RPGR: variants seen among roughly 807,000 people sequenced by gnomAD.
RPGR encodes the protein retinitis pigmentosa GTPase regulator, also known as X-linked retinitis pigmentosa GTPase regulator.
RPGR carries 10 observed loss-of-function variants against 56.3 expected under a neutral mutation model. The ratio of observed to expected loss-of-function variants is 0.18; its 90% confidence interval spans 0.11 to 0.30. The LOEUF (loss-of-function observed/expected upper bound fraction) is 0.30. Among genes scored for constraint, RPGR ranks in the 10% least tolerant of loss-of-function variants. The probability of loss-of-function intolerance (pLI) is 1.00; values close to 1 mark genes in which losing one functional copy is unlikely to be tolerated. For missense variants in RPGR, 538 were observed against 590.9 expected (o/e 0.91, Z 0.93); for synonymous variants, 197 against 212.9 (o/e 0.93, Z 0.65).
chrX:38,298,438 T>C, intron 10 of RPGR: 1 of 316,019 alleles, frequency 3.2e-6, no homozygotes, highest in Non-Finnish European at 6.0e-6. Context: ...CCACTGCTCA[T>C]GAGGCTTAAC....
intron 18 of RPGR, among the ~76,000 whole-genome samples, chrX:38,271,368 T>A (rs948638113): frequency 2.7e-5 from 3 of 112,015 alleles, no homozygotes; most frequent in African/African-American, 9.7e-5. Flanking sequence ...TATAATTTTA[T>A]AATGTGCAGG....
chrX:38,315,117 G>A (rs1193050714), intron 6 of RPGR, among the ~76,000 whole-genome samples: 1 of 111,355 alleles, frequency 9.0e-6, no homozygotes, highest in East Asian at 2.8e-4. Flanking sequence ...ATTACCTGAG[G>A]TCAGAAGTTC....
intron 4 of RPGR, among the ~76,000 whole-genome samples, chrX:38,320,027 T>G (rs2067902207): frequency 9.0e-6 from 1 of 111,634 alleles, no homozygotes; most frequent in Non-Finnish European, 1.9e-5. Flanking sequence ...GCAATTGGAG[T>G]GCACAATTTC....
Position 38,323,474 on chromosome X carries a change from G to A in RPGR, c.79C>T (p.Pro27Ser). ...TCATTTTTAAACCAGAATTTACCGG[G>A]ATTATTTTCAGCAAATTTACTTTTC... Residue 27 changes from proline to serine, a missense_variant, in exon 2 of 19, where the codon CCC (proline) becomes TCC (serine). Pro to Ser is a moderately conservative substitution (Grantham distance 74). Coordinates refer to ENST00000642395, the MANE Select transcript of RPGR (RefSeq NM_000328.3). 1 of 1,207,863 alleles carries A rather than the reference G, an allele frequency of 8.3e-7. No individual in the cohort carries two copies. Among genetic ancestry groups the A allele is most frequent in the East Asian group, 3.0e-5 (1 of 33,783 alleles).
Position 38,276,580 on chromosome X carries a change from A to G in RPGR, c.2091+7T>C, listed in dbSNP as rs1369341260. On this transcript the variant is annotated splice_region_variant and intron_variant, in intron 16 of 18. Coordinates refer to ENST00000642395, the MANE Select transcript of RPGR (RefSeq NM_000328.3). ...GGATCTCAGGATTTAAGCATCTATC[A>G]TCATACCTTTTCAATAGTTTCAGCT... is the stretch of plus-strand genomic sequence containing the variant. 8.3e-7 allele frequency: 1 copy of G among 1,209,362 alleles called. No individual in the cohort carries two copies. The highest frequency in any genetic ancestry group is 1.7e-5 in the African/African-American group (1 of 57,806).
At chrX:38,299,557 T>A (rs1176388743) in intron 9 of RPGR, among the ~76,000 whole-genome samples, 1 of 111,634 alleles carries the variant, frequency 9.0e-6, no homozygotes, top group Non-Finnish European at 1.9e-5. Flanking sequence ...TATAAATCAG[T>A]CTCTTGAGCT....
Position 38,327,448 on chromosome X carries a change from G to T in RPGR, c.-81C>A. 1.0e-6 allele frequency: 1 copy of T among 971,836 alleles called. No individual in the cohort carries two copies. The highest frequency in any genetic ancestry group is 1.4e-6 in the Non-Finnish European group (1 of 725,710). The allele number at this position is 971,836 out of a possible 1,213,427, so 80.1% of individuals were successfully genotyped here. ...TGGTCGGGGCTAAAGCAGCTACTCCGCACCGACGCGGGCCGCGAAAGCCCC... is the reference window on the plus strand; with the variant it reads ...TGGTCGGGGCTAAAGCAGCTACTCCTCACCGACGCGGGCCGCGAAAGCCCC... On this transcript the variant is annotated 5_prime_UTR_variant, in exon 1 of 19. Transcript: ENST00000642395.
intron 6 of RPGR, among the ~76,000 whole-genome samples, chrX:38,312,470 G>T: frequency 9.1e-6 from 1 of 109,802 alleles, no homozygotes. Context: ...CTCTAATTAT[G>T]ACACTTCCAA....
chrX:38,323,408 C>T lies in RPGR; in HGVS notation c.145G>A (p.Val49Ile). The T allele has an allele frequency of 2.5e-6, 3 of 1,205,538 alleles. No individual in the cohort carries two copies. The highest frequency in any genetic ancestry group is 3.4e-6 in the Non-Finnish European group (3 of 890,282). Residue 49 changes from valine to isoleucine, a missense_variant, in exon 2 of 19, where the codon GTT (valine) becomes ATT (isoleucine). By Grantham distance (29) the Val-to-Ile change is conservative. This residue lies in a region of RPGR where 181 missense variants were observed against 265.1 expected (regional missense o/e 0.68). Transcript: ENST00000642395. ...GGATTGTAATACTAACCGGTAACAACAGCAGAATGTTCATCTCCACATGAA... is the reference window on the plus strand; with the variant it reads ...GGATTGTAATACTAACCGGTAACAATAGCAGAATGTTCATCTCCACATGAA...
At position 38,299,019 on chromosome X, in the gene RPGR, G is replaced by C; in HGVS notation, c.1182C>G (p.Ser394Arg). Reference sequence around the variant, plus strand: ...GCAGTACATTTCCTGAGGTTAAACTGCTATACGGCAGAAAAGTCGCCACAG... The same window carrying C: ...GCAGTACATTTCCTGAGGTTAAACTCCTATACGGCAGAAAAGTCGCCACAG... Residue 394 changes from serine (S) to arginine (R), a missense_variant, in exon 10 of 19, where the codon AGC (serine) becomes AGG (arginine). By Grantham distance (110) the Ser-to-Arg change is moderately radical. This residue lies in a region of RPGR where 357 missense variants were observed against 325.8 expected (regional missense o/e 1.10). Coordinates refer to ENST00000642395, the MANE Select transcript of RPGR (RefSeq NM_000328.3). 1 of 1,211,531 alleles carries C rather than the reference G, an allele frequency of 8.3e-7. No homozygotes were observed. The highest frequency in any genetic ancestry group is 1.1e-6 in the Non-Finnish European group (1 of 895,378).
chrX:38,277,893 T>G (rs2066963023), intron 15 of RPGR, among the ~76,000 whole-genome samples: 2 of 112,045 alleles, frequency 1.8e-5, no homozygotes, highest in Admixed American at 1.9e-4. Flanking sequence ...GAGTCCAGGC[T>G]AGGAAGAGGA....
intron 15 of RPGR, chrX:38,285,282 G>A: frequency 9.7e-7 from 1 of 1,027,395 alleles, no homozygotes; most frequent in East Asian, 4.0e-5. Flanking sequence ...AATCTGATAT[G>A]ACCTTTTAAT....
At chrX:38,308,390 T>C (rs1191624779) in intron 7 of RPGR, 1 of 111,981 alleles carries the variant, frequency 8.9e-6, no homozygotes, top group Non-Finnish European at 1.9e-5. Flanking sequence ...GAAAATATCA[T>C]CCTTAAGTGC....
intron 6 of RPGR, among the ~76,000 whole-genome samples, chrX:38,311,666 T>C (rs987732681): frequency 1.8e-5 from 2 of 111,683 alleles, no homozygotes; most frequent in Non-Finnish European, 3.8e-5. Flanking sequence ...AGCAATGAAC[T>C]ATGCCAGATT....
At position 38,327,343 on chromosome X, in the gene RPGR, G is replaced by A. The variant is rs868003886; in HGVS notation, c.25C>T (p.Pro9Ser). ...CACCGGCGCGGGCGCAACTCACCGG[G>A]CATCAGCTCTTCCGGCTCCCTCATG... is the stretch of plus-strand genomic sequence containing the variant. Residue 9 changes from proline to serine, a missense_variant, in exon 1 of 19, where the codon CCC (proline) becomes TCC (serine). Physicochemically the swap from Pro to Ser is moderately conservative, Grantham distance 74 (BLOSUM62 -1). This residue lies in a region of RPGR where 181 missense variants were observed against 265.1 expected (regional missense o/e 0.68). Transcript: ENST00000642395. 1 of 1,190,067 alleles carries A rather than the reference G, an allele frequency of 8.4e-7. No individual in the cohort carries two copies. Among genetic ancestry groups the A allele is most frequent in the Non-Finnish European group, 1.1e-6 (1 of 886,432 alleles).
In RPGR at chrX:38,276,775, G is replaced by A. The variant is rs2066944160; in HGVS notation, c.1906-3C>T. 2 of 1,196,870 alleles carry A rather than the reference G, an allele frequency of 1.7e-6. No individual in the cohort carries two copies. Among genetic ancestry groups the A allele is most frequent in the Non-Finnish European group, 2.3e-6 (2 of 884,267 alleles). The stretch of plus-strand genomic sequence containing the variant: ...TCAGTTTTAGAAAATTCATGATCCT[G>A]TGACAAAATTGACCATCAGAGAAGA... On this transcript the variant is annotated splice_polypyrimidine_tract_variant and splice_region_variant and intron_variant, in intron 15 of 18. Coordinates refer to ENST00000642395, the MANE Select transcript of RPGR (RefSeq NM_000328.3).
chrX:38,278,798 A>G (rs1325450361), intron 15 of RPGR, among the ~76,000 whole-genome samples: 1 of 112,241 alleles, frequency 8.9e-6, no homozygotes. Flanking sequence ...CTGTGTTCCC[A>G]GCATAATCCT....
Position 38,269,251 on chromosome X carries a change from C to A in RPGR, c.*375G>T. 1 of 123,347 alleles carries A rather than the reference C, an allele frequency of 8.1e-6. No homozygotes were observed. The highest frequency in any genetic ancestry group is 2.4e-4 in the East Asian group (1 of 4,162). The allele number at this position is 123,347 out of a possible 1,213,427, so 10.2% of individuals were successfully genotyped here. On this transcript the variant is annotated 3_prime_UTR_variant, in exon 19 of 19. Coordinates refer to ENST00000642395, the MANE Select transcript of RPGR (RefSeq NM_000328.3). ...AGTTTTGTAAAAATTGTAAATACAT[C>A]AAAAACTGTTACAGTGTCGTAAGAT...
At chrX:38,325,316 C>A (rs750886760) in intron 1 of RPGR, among the ~76,000 whole-genome samples, 1 of 111,465 alleles carries the variant, frequency 9.0e-6, no homozygotes, top group African/African-American at 3.3e-5. Context: ...CACAAAGTAG[C>A]CCTTGTGTGT....
Sources: allele counts gnomAD v4.1 joint callset (sites outside exome capture counted in the v4.1 genomes callset), GRCh38; gene constraint gnomAD v4.1.1; regional missense constraint gnomAD v4.1.1; transcripts MANE v1.5; gene names NCBI Gene and HGNC (gene_info 2026-07-23, HGNC 2026-07-21).